Variants in INSL6 observed in about 807,000 individuals in gnomAD.
INSL6 encodes insulin-like peptide INSL6.
Under a neutral mutation model 9.4 loss-of-function variants are expected in INSL6, and 16 were observed. The observed-to-expected ratio is 1.70, with a 90% CI of 1.15 to 2.59. The LOEUF (loss-of-function observed/expected upper bound fraction) is 2.59. Among genes scored for constraint, INSL6 ranks in the 30% most tolerant of loss-of-function variants. The pLI is 0.00. For synonymous variants in INSL6, 154 were observed against 96.9 expected (o/e 1.59, Z -3.46); for missense variants, 391 against 257.3 (o/e 1.52, Z -3.56).
At chr9:5,116,692 G>C in the INSL6 span, among the ~76,000 whole-genome samples, 2 of 152,170 alleles carry the variant, frequency 1.3e-5, no homozygotes, top group African/African-American at 4.8e-5. Context: ...GGGAGGTAGG[G>C]ATATGAAGAT....
intron 1 of INSL6, among the ~76,000 whole-genome samples, chr9:5,169,516 A>G (rs1399331938): frequency 2.0e-5 from 3 of 152,208 alleles, no homozygotes; most frequent in Admixed American, 1.3e-4. Context: ...TCAAATTCAC[A>G]CATAACAATA....
At chr9:5,160,220 A>C (rs1486873889), downstream of INSL6, among the ~76,000 whole-genome samples, 1 of 151,928 alleles carries the variant, frequency 6.6e-6, no homozygotes, top group Non-Finnish European at 1.5e-5. Flanking sequence ...ACAAATCTTA[A>C]AACATTCCAA....
chr9:5,038,237 A>G, the INSL6 span, among the ~76,000 whole-genome samples: 1 of 152,170 alleles, frequency 6.6e-6, no homozygotes, highest in Non-Finnish European at 1.5e-5. Context: ...AGTTATAGGA[A>G]CTGCTAAAAG....
chr9:5,122,723 C>T (rs1319540767), downstream of INSL6, among the ~76,000 whole-genome samples: 1 of 151,900 alleles, frequency 6.6e-6, no homozygotes, highest in Non-Finnish European at 1.5e-5. Flanking sequence ...AAGTTACATA[C>T]TCCCAGAAGA....
intron 2 of INSL6, among the ~76,000 whole-genome samples, chr9:5,151,916 C>A (rs978656794): frequency 7.2e-5 from 11 of 151,814 alleles, no homozygotes; most frequent in African/African-American, 2.7e-4. Context: ...CATGAAGATA[C>A]AGATAGGTTA....
chr9:5,138,063 A>C (rs1426876795), intron 2 of INSL6, among the ~76,000 whole-genome samples: 1 of 152,238 alleles, frequency 6.6e-6, no homozygotes, highest in Admixed American at 6.5e-5. Context: ...AATGGTGATC[A>C]TTAAAAAGTC....
At chr9:5,085,156 C>T in the INSL6 span, 14 of 648,580 alleles carry the variant, frequency 2.2e-5, no homozygotes, top group Middle Eastern at 5.3e-4. Flanking sequence ...CTGTGGAGCT[C>T]TGTCTACATC....
intron 1 of INSL6, among the ~76,000 whole-genome samples, chr9:5,171,739 C>G (rs935642913): frequency 6.6e-6 from 1 of 152,120 alleles, no homozygotes; most frequent in African/African-American, 2.4e-5. Flanking sequence ...CTCCTATTCA[C>G]AATTGCTACA....
At chr9:5,094,648 C>T in the INSL6 span, 3 of 152,162 alleles carry the variant, frequency 2.0e-5, no homozygotes, top group Admixed American at 6.5e-5. Context: ...CTAGCAAAAA[C>T]TAACCGAGCC....
At chr9:5,024,795 C>A in the INSL6 span, among the ~76,000 whole-genome samples, 11 of 152,158 alleles carry the variant, frequency 7.2e-5, no homozygotes, top group Non-Finnish European at 1.6e-4. Flanking sequence ...CATAGGTGTG[C>A]TCTTTGCATC....
At chr9:5,010,347 G>A in the INSL6 span, among the ~76,000 whole-genome samples, 10 of 148,656 alleles carry the variant, frequency 6.7e-5, no homozygotes, top group African/African-American at 2.5e-4. Flanking sequence ...TTTTTTAGAC[G>A]GAGTCTCGCT....
At chr9:5,177,780 C>A (rs1343454881) in intron 1 of INSL6, among the ~76,000 whole-genome samples, 1 of 152,054 alleles carries the variant, frequency 6.6e-6, no homozygotes, top group Non-Finnish European at 1.5e-5. Flanking sequence ...TTCCAGCCTC[C>A]CAGCTTTGGA....
At chr9:5,035,930 G>A in the INSL6 span, among the ~76,000 whole-genome samples, 18 of 152,312 alleles carry the variant, frequency 1.2e-4, no homozygotes, top group South Asian at 6.2e-4. Context: ...AGGAAAAGAG[G>A]AAGTCAAATT....
intron 2 of INSL6, among the ~76,000 whole-genome samples, chr9:5,151,891 G>T (rs1824720453): frequency 6.6e-6 from 1 of 151,870 alleles, no homozygotes; most frequent in East Asian, 1.9e-4. Context: ...TTGTTTACAA[G>T]AAACTAATTT....
At chr9:5,068,587 C>A in the INSL6 span, among the ~76,000 whole-genome samples, 15 of 152,166 alleles carry the variant, frequency 9.9e-5, no homozygotes, top group Non-Finnish European at 2.1e-4. Context: ...CATGAAGCAG[C>A]ATGGCATTTG....
At chr9:5,104,881 A>G in the INSL6 span, among the ~76,000 whole-genome samples, 9 of 152,344 alleles carry the variant, frequency 5.9e-5, no homozygotes, top group African/African-American at 2.2e-4. Context: ...AAAACTCTCA[A>G]TAAACTAGGT....
chr9:5,066,869 C>CATATTATTTACCATACCA, the INSL6 span: 1 of 541,438 alleles, frequency 1.8e-6, no homozygotes, highest in South Asian at 4.1e-5. Context: ...ACCATATTTC[C>CATATTATTTACCATACCA]TTTTTAATAC....
intron 1 of INSL6, among the ~76,000 whole-genome samples, chr9:5,167,168 C>T (rs1034082697): frequency 6.6e-6 from 1 of 152,184 alleles, no homozygotes; most frequent in Non-Finnish European, 1.5e-5. Context: ...AAAGGGAGCT[C>T]CCTTCCCCAG....
intron 2 of INSL6, among the ~76,000 whole-genome samples, chr9:5,139,099 A>T (rs1209495556): frequency 6.6e-6 from 1 of 152,196 alleles, no homozygotes; most frequent in Admixed American, 6.6e-5. Flanking sequence ...ATAGGAAAGA[A>T]ACTAATAATG....
Sources: gnomAD v4.1 joint callset for allele counts (sites outside exome capture counted in the v4.1 genomes callset) on GRCh38, gnomAD v4.1.1 for gene constraint, MANE v1.5 for transcripts, NCBI Gene and HGNC (gene_info 2026-07-23, HGNC 2026-07-21) for gene names.